Variants in F11R observed in about 807,000 individuals in gnomAD.
The protein encoded by F11R is F11 receptor.
A neutral mutation model predicts 39.3 loss-of-function variants in F11R; 27 were observed. The observed-to-expected ratio is 0.69, with a 90% CI of 0.51 to 0.95. The LOEUF (loss-of-function observed/expected upper bound fraction) is 0.95. F11R is among the 40% of genes least tolerant of loss of function. F11R has a pLI of 0.00. For synonymous variants in F11R, 131 were observed against 144.9 expected (o/e 0.90, Z 0.69); for missense variants, 335 against 372.7 (o/e 0.90, Z 0.83).
In F11R at chr1:160,997,770, A is replaced by C. The variant is rs1282819857; in HGVS notation, c.*1101T>G. ...ACATAGAAATACAATCTCACCAAAG[A>C]GCTAAGAAGCCCTCCAACACACGCC... On this transcript the variant is annotated 3_prime_UTR_variant, in exon 10 of 10. Transcript: ENST00000368026. 6.5e-6 allele frequency: 1 copy of C among 152,914 alleles called. No homozygotes were observed. Among genetic ancestry groups the C allele is most frequent in the Non-Finnish European group, 1.5e-5 (1 of 68,094 alleles). The allele number at this position is 152,914 out of a possible 1,614,324, so 9.5% of individuals were successfully genotyped here.
At chr1:161,020,790 G>A (rs1174348211) in intron 1 of F11R, among the ~76,000 whole-genome samples, 1 of 152,172 alleles carries the variant, frequency 6.6e-6, no homozygotes, top group Non-Finnish European at 1.5e-5. Flanking sequence ...GCCGTGAGGG[G>A]TGCGGTCACA....
intron 1 of F11R, among the ~76,000 whole-genome samples, chr1:161,006,771 C>T (rs1321697056): frequency 2.0e-5 from 3 of 152,198 alleles, no homozygotes; most frequent in African/African-American, 7.2e-5. Flanking sequence ...GCCTTATCAC[C>T]ATGTCCTTCC....
intron 1 of F11R, among the ~76,000 whole-genome samples, chr1:161,016,869 G>T (rs1342033227): frequency 6.6e-6 from 1 of 152,180 alleles, no homozygotes; most frequent in Non-Finnish European, 1.5e-5. Context: ...GATTGTTACT[G>T]TGTCTGTGTA....
chr1:161,017,233 T>C (rs1479294611), intron 1 of F11R, among the ~76,000 whole-genome samples: 7 of 152,094 alleles, frequency 4.6e-5, no homozygotes, highest in Admixed American at 6.6e-5. Flanking sequence ...AAGACCTGAC[T>C]GTCCCCCAGC....
At chr1:161,003,985 A>G (rs2101973243) in intron 1 of F11R, among the ~76,000 whole-genome samples, 1 of 151,990 alleles carries the variant, frequency 6.6e-6, no homozygotes, top group East Asian at 1.9e-4. Context: ...GCTGGTCTCG[A>G]ACTCCTGATC....
At chr1:161,005,914 A>G (rs1648775140) in intron 1 of F11R, among the ~76,000 whole-genome samples, 1 of 151,834 alleles carries the variant, frequency 6.6e-6, no homozygotes, top group Non-Finnish European at 1.5e-5. Flanking sequence ...TGAGGCGGGC[A>G]GGTCACCTGA....
Position 161,001,052 on chromosome 1 carries a change from G to GT in F11R, c.208dup (p.Thr70AsnfsTer7). ...CTTGTTATTATAGCAAACGAGTCTG[G>GT]TGGTGTCTCCTTGGTCAAACTTCCA... On this transcript the variant is annotated frameshift_variant, in exon 3 of 10. Transcript: ENST00000368026. LOFTEE classifies it high-confidence loss of function. 1 of 1,614,126 alleles carries GT rather than the reference G, an allele frequency of 6.2e-7. No homozygotes were observed. Among genetic ancestry groups the GT allele is most frequent in the South Asian group, 1.1e-5 (1 of 91,072 alleles).
chr1:161,016,834 G>C (rs1422347155), intron 1 of F11R, among the ~76,000 whole-genome samples: 1 of 152,198 alleles, frequency 6.6e-6, no homozygotes. Flanking sequence ...TGACTCACCA[G>C]TGTGGGGAAA....
At position 160,999,752 on chromosome 1, in the gene F11R, G is replaced by A. The variant is rs756012428; in HGVS notation, c.695-5C>T. 163 of 1,613,652 alleles carry A rather than the reference G, an allele frequency of 1.0e-4. No individual in the cohort carries two copies. Among genetic ancestry groups the A allele is most frequent in the Non-Finnish European group, 1.3e-4 (150 of 1,179,684 alleles). ...TGACCCCCACATTCCGCTCCACTGCGAGACACAAATAAGAAGTCAGGCACG... is the reference window on the plus strand; with the variant it reads ...TGACCCCCACATTCCGCTCCACTGCAAGACACAAATAAGAAGTCAGGCACG... On this transcript the variant is annotated splice_polypyrimidine_tract_variant and splice_region_variant and intron_variant, in intron 6 of 9. Coordinates refer to ENST00000368026, the MANE Select transcript of F11R (RefSeq NM_016946.6).
chr1:161,013,395 C>T (rs1257529720), intron 1 of F11R, among the ~76,000 whole-genome samples: 2 of 152,212 alleles, frequency 1.3e-5, no homozygotes, highest in Non-Finnish European at 2.9e-5. Flanking sequence ...ACATAGTAAA[C>T]ACCAATGTTT....
intron 1 of F11R, among the ~76,000 whole-genome samples, chr1:161,012,212 C>T (rs1434972784): frequency 6.6e-6 from 1 of 152,204 alleles, no homozygotes. Context: ...ATCCCTTGTA[C>T]GTGAAGGGTC....
At position 160,996,195 on chromosome 1, in the gene F11R, C is replaced by T. The variant is rs1022812892; in HGVS notation, c.*2676G>A. The T allele has an allele frequency of 6.6e-6, 1 of 152,336 alleles. No homozygotes were observed. The highest frequency in any genetic ancestry group is 2.4e-5 in the African/African-American group (1 of 41,452). The allele number at this position is 152,336 out of a possible 1,614,324, so 9.4% of individuals were successfully genotyped here. A position where few individuals can be genotyped will look rare whatever the true frequency, so the allele number is the denominator to read the frequency against. On this transcript the variant is annotated 3_prime_UTR_variant, in exon 10 of 10. Transcript: ENST00000368026. Reference sequence around the variant, plus strand: ...AAGAACTTCAGGATTTAAACAAACTCAATGTGAAAATAAACATTTATTATA... The same window carrying T: ...AAGAACTTCAGGATTTAAACAAACTTAATGTGAAAATAAACATTTATTATA...
chr1:161,004,351 A>G (rs757786918), intron 1 of F11R, among the ~76,000 whole-genome samples: 6 of 152,030 alleles, frequency 3.9e-5, no homozygotes, highest in Non-Finnish European at 7.4e-5. Flanking sequence ...CTTGAGGTCA[A>G]GAGTTTGAGA....
chr1:161,017,775 A>G (rs1213395958), intron 1 of F11R, among the ~76,000 whole-genome samples: 2 of 152,086 alleles, frequency 1.3e-5, no homozygotes, highest in Non-Finnish European at 2.9e-5. Flanking sequence ...AGAAACACCC[A>G]CAGGTGTGGA....
chr1:161,010,101 A>C (rs1571016924), intron 1 of F11R, among the ~76,000 whole-genome samples: 1 of 151,698 alleles, frequency 6.6e-6, no homozygotes, highest in East Asian at 1.9e-4. Context: ...TTGAAGATTG[A>C]AGTACTACCG....
intron 1 of F11R, among the ~76,000 whole-genome samples, chr1:161,016,409 G>A (rs989062981): frequency 2.0e-5 from 3 of 152,096 alleles, no homozygotes; most frequent in Non-Finnish European, 4.4e-5. Flanking sequence ...CCGGGAGGTG[G>A]AGTTTGCAGT....
intron 7 of F11R, 51 bp downstream of exon 7, chr1:160,999,589 G>A (rs1648338179): frequency 1.9e-6 from 3 of 1,559,962 alleles, no homozygotes; most frequent in Non-Finnish European, 2.7e-6. Flanking sequence ...CCCATGCCAG[G>A]CCCTGGGATG....
intron 1 of F11R, among the ~76,000 whole-genome samples, chr1:161,019,728 G>T (rs1032014264): frequency 1.3e-5 from 2 of 152,118 alleles, no homozygotes; most frequent in Non-Finnish European, 2.9e-5. Context: ...TGAGATGCTG[G>T]ATCAAAGAAT....
At chr1:161,008,214 A>T (rs2243427) in intron 1 of F11R, among the ~76,000 whole-genome samples, 2 of 152,030 alleles carry the variant, frequency 1.3e-5, no homozygotes, top group Admixed American at 1.3e-4. Flanking sequence ...TCCATTCTCC[A>T]GCCAGGCACG....
Sources: gnomAD v4.1 joint callset for allele counts (sites outside exome capture counted in the v4.1 genomes callset) on GRCh38, gnomAD v4.1.1 for gene constraint, MANE v1.5 for transcripts, NCBI Gene and HGNC (gene_info 2026-07-23, HGNC 2026-07-21) for gene names.